DENND1A: variants seen among roughly 807,000 people sequenced by gnomAD.
DENND1A encodes DENN domain-containing protein 1A.
Under a neutral mutation model 113.7 loss-of-function variants are expected in DENND1A, and 51 were observed. The observed-to-expected ratio is 0.45, with a 90% CI of 0.36 to 0.57. The LOEUF is 0.57. Among genes scored for constraint, DENND1A ranks in the 20% least tolerant of loss-of-function variants. The pLI, the probability that DENND1A is intolerant of heterozygous loss-of-function variation, is 0.00. For synonymous variants in DENND1A, 565 were observed against 570.8 expected (o/e 0.99, Z 0.14); for missense variants, 1,258 against 1,395.9 (o/e 0.90, Z 1.57).
intron 13 of DENND1A, among the ~76,000 whole-genome samples, chr9:123,466,928 G>A (rs989592256): frequency 2.0e-5 from 3 of 151,154 alleles, no homozygotes; most frequent in Non-Finnish European, 2.9e-5. Context: ...GCTCAAGTCT[G>A]TCATGCCAGC....
At chr9:123,925,990 A>G (rs1465980580) in intron 1 of DENND1A, among the ~76,000 whole-genome samples, 6 of 152,240 alleles carry the variant, frequency 3.9e-5, no homozygotes, top group African/African-American at 1.4e-4. Context: ...ACCACAAGCA[A>G]TATTAAACTG....
intron 3 of DENND1A, among the ~76,000 whole-genome samples, chr9:123,784,994 C>T (rs1225246031): frequency 6.6e-6 from 1 of 152,102 alleles, no homozygotes; most frequent in Non-Finnish European, 1.5e-5. Context: ...TAAATTCACC[C>T]TTCTCTGGAA....
At chr9:123,745,671 A>G (rs1348327404) in intron 5 of DENND1A, among the ~76,000 whole-genome samples, 1 of 152,274 alleles carries the variant, frequency 6.6e-6, no homozygotes, top group African/African-American at 2.4e-5. Flanking sequence ...TATGTGCACC[A>G]GTATAGCTCT....
At chr9:123,777,231 A>G (rs2131762375) in intron 3 of DENND1A, among the ~76,000 whole-genome samples, 1 of 152,332 alleles carries the variant, frequency 6.6e-6, no homozygotes, top group Non-Finnish European at 1.5e-5. Context: ...TCCAGTATGC[A>G]GTCATTGGAG....
rs993892107 is a variant in DENND1A at position 123,414,172 on chromosome 9, C to T, written c.1489-2343G>A. On this transcript the variant is annotated intron_variant, in intron 19 of 23. Transcript: ENST00000394215. ...TACTCCCTGGGTTACTCCAGGCCCACGATTTGACCATTCCAAGCCTTACTG... is the reference window on the plus strand; with the variant it reads ...TACTCCCTGGGTTACTCCAGGCCCATGATTTGACCATTCCAAGCCTTACTG... 10 of 1,015,494 alleles carry T rather than the reference C, an allele frequency of 9.8e-6. No homozygotes were observed. The East Asian group carries it at 3.4e-4, about 34-fold the overall frequency. The allele number at this position is 1,015,494 out of a possible 1,614,324, so 62.9% of individuals were successfully genotyped here. A position where few individuals can be genotyped will look rare whatever the true frequency, so the allele number is the denominator to read the frequency against.
At chr9:123,404,118 G>A (rs1372317158) in intron 20 of DENND1A, among the ~76,000 whole-genome samples, 1 of 152,150 alleles carries the variant, frequency 6.6e-6, no homozygotes, top group Non-Finnish European at 1.5e-5. Context: ...CAGACCTAGT[G>A]GGAGGGTCTG....
chr9:123,604,126 C>T (rs1053442492), intron 11 of DENND1A, among the ~76,000 whole-genome samples: 3 of 152,234 alleles, frequency 2.0e-5, no homozygotes, highest in Admixed American at 2.0e-4. Context: ...CCTGGATGGG[C>T]TGGGCCTGGC....
At chr9:123,656,521 A>G (rs1001779121) in intron 8 of DENND1A, among the ~76,000 whole-genome samples, 8 of 152,196 alleles carry the variant, frequency 5.3e-5, no homozygotes, top group African/African-American at 1.4e-4. Context: ...TTGACGATGA[A>G]TTAGACTTGG....
intron 3 of DENND1A, among the ~76,000 whole-genome samples, chr9:123,782,521 A>G (rs1831478184): frequency 6.6e-6 from 1 of 152,230 alleles, no homozygotes; most frequent in Non-Finnish European, 1.5e-5. Flanking sequence ...ATGCACAGTT[A>G]GTTACCAGGT....
intron 13 of DENND1A, among the ~76,000 whole-genome samples, chr9:123,515,193 A>C (rs1304048354): frequency 6.6e-6 from 1 of 152,262 alleles, no homozygotes; most frequent in African/African-American, 2.4e-5. Context: ...AAAGATGATT[A>C]GAAAAGATAT....
At chr9:123,608,966 G>C (rs2060289941) in intron 11 of DENND1A, among the ~76,000 whole-genome samples, 1 of 152,074 alleles carries the variant, frequency 6.6e-6, no homozygotes, top group Non-Finnish European at 1.5e-5. Flanking sequence ...TATATTTAGA[G>C]ACTAAAGACC....
intron 2 of DENND1A, among the ~76,000 whole-genome samples, chr9:123,811,054 C>T (rs1316957710): frequency 2.6e-5 from 4 of 152,140 alleles, no homozygotes; most frequent in African/African-American, 7.2e-5. Flanking sequence ...CCACCACGCC[C>T]GGCCAAATCC....
In DENND1A at chr9:123,382,371, G is replaced by A; in HGVS notation, c.2274C>T (p.Ile758=). 3 of 1,599,446 alleles carry A rather than the reference G, an allele frequency of 1.9e-6. No homozygotes were observed. The highest frequency in any genetic ancestry group is 2.6e-6 in the Non-Finnish European group (3 of 1,172,966). The stretch of plus-strand genomic sequence containing the variant: ...TCCTGCCTTGGGGCCGGGGGATGGT[G>A]ATGCTGCCCAGAGTAGGGGTGGGCA... The part of the protein sequence containing the change: ...EEVPTPTLGS[I]TIPRPQGRKT... Residue 758 remains isoleucine, a synonymous_variant, in exon 24 of 24, where the codon ATC becomes ATT. Coordinates refer to ENST00000394215, the MANE Select transcript of DENND1A (RefSeq NM_001352964.2).
chr9:123,510,071 G>A (rs747879818), intron 13 of DENND1A, among the ~76,000 whole-genome samples: 6 of 152,232 alleles, frequency 3.9e-5, no homozygotes, highest in Non-Finnish European at 7.3e-5. Flanking sequence ...TCCTATGACT[G>A]CACTGCCCGC....
chr9:123,552,776 C>A (rs949634396), intron 13 of DENND1A, among the ~76,000 whole-genome samples: 5 of 152,260 alleles, frequency 3.3e-5, no homozygotes, highest in Non-Finnish European at 7.3e-5. Context: ...AGACATCCCC[C>A]TGTGTCTGCT....
intron 2 of DENND1A, among the ~76,000 whole-genome samples, chr9:123,794,476 A>T (rs1833482902): frequency 6.6e-6 from 1 of 152,174 alleles, no homozygotes; most frequent in African/African-American, 2.4e-5. Flanking sequence ...GTGGTTTAAC[A>T]CTTATTCTTC....
chr9:123,644,452 ACC>A (rs768585885), intron 9 of DENND1A, among the ~76,000 whole-genome samples: 1,896 of 148,992 alleles, frequency 0.013, 20 homozygotes, highest in South Asian at 0.03. Flanking sequence ...AACCAACAGC[ACC>A]TAGCTCCACT....
chr9:123,778,019 A>G (rs1830710558), intron 3 of DENND1A, among the ~76,000 whole-genome samples: 1 of 152,240 alleles, frequency 6.6e-6, no homozygotes, highest in Non-Finnish European at 1.5e-5. Flanking sequence ...TGCTCAGAAC[A>G]GATTGATGAC....
rs116527527 is a variant in DENND1A at position 123,747,161 on chromosome 9, G to T, written c.302+10542C>A. Reference sequence around the variant, plus strand: ...TCCCAAGGAGCTTAGACAACAAACTGCAGGACACTGAATTTCACCCAACTT... The same window carrying T: ...TCCCAAGGAGCTTAGACAACAAACTTCAGGACACTGAATTTCACCCAACTT... On this transcript the variant is annotated intron_variant, in intron 5 of 23. Transcript: ENST00000394215. Among the ~76,000 whole-genome samples the T allele has an allele frequency of 3.2e-3, 479 of 152,038 alleles. 3 individuals are homozygous for T. Among genetic ancestry groups the T allele is most frequent in the African/African-American group, 9.6e-3 (399 of 41,500 alleles).
Sources: allele counts gnomAD v4.1 joint callset (sites outside exome capture counted in the v4.1 genomes callset), GRCh38; gene constraint gnomAD v4.1.1; transcripts MANE v1.5; gene names NCBI Gene and HGNC (gene_info 2026-07-23, HGNC 2026-07-21).